NTN1: variants seen among roughly 807,000 people sequenced by gnomAD.
NTN1 encodes the protein netrin-1.
A neutral mutation model predicts 54.2 loss-of-function variants in NTN1; 11 were observed. The observed-to-expected ratio is 0.20, with a 90% CI of 0.13 to 0.34. The LOEUF is 0.34. Ranked by LOEUF, NTN1 falls within the 10% of genes least tolerant of loss-of-function variation. The pLI is 1.00. For synonymous variants in NTN1, 371 were observed against 382.0 expected (o/e 0.97, Z 0.33); for missense variants, 740 against 893.1 (o/e 0.83, Z 2.18).
At chr17:9,083,215 C>T (rs1347087722) in intron 2 of NTN1, among the ~76,000 whole-genome samples, 1 of 152,206 alleles carries the variant, frequency 6.6e-6, no homozygotes, top group African/African-American at 2.4e-5. Context: ...TCTCCTGCCT[C>T]AGCCTCCTGA....
intron 2 of NTN1, among the ~76,000 whole-genome samples, chr17:9,040,833 G>A (rs2091918964): frequency 6.6e-6 from 1 of 151,814 alleles, no homozygotes; most frequent in Non-Finnish European, 1.5e-5. Flanking sequence ...GGAGAGATAA[G>A]GTCTTGATTG....
chr17:9,136,001 C>T (rs1374697655), intron 2 of NTN1, among the ~76,000 whole-genome samples: 1 of 152,204 alleles, frequency 6.6e-6, no homozygotes. Flanking sequence ...TCCTCACTCC[C>T]GCCTGGGAAG....
chr17:9,184,622 G>T (rs1350094606), intron 5 of NTN1, among the ~76,000 whole-genome samples: 5 of 152,194 alleles, frequency 3.3e-5, no homozygotes, highest in South Asian at 4.1e-4. Flanking sequence ...CTCATGCAAG[G>T]GCAAGACAGA....
chr17:9,139,117 G>C (rs748521476), intron 2 of NTN1, among the ~76,000 whole-genome samples: 1 of 152,134 alleles, frequency 6.6e-6, no homozygotes, highest in African/African-American at 2.4e-5. Context: ...ATAGTCTTTC[G>C]TGGAGGGGCT....
chr17:9,066,012 A>G (rs1172886834), intron 2 of NTN1, among the ~76,000 whole-genome samples: 1 of 152,250 alleles, frequency 6.6e-6, no homozygotes, highest in Non-Finnish European at 1.5e-5. Flanking sequence ...AAATATGTGT[A>G]GAGGAAAGCA....
chr17:9,091,179 AT>A (rs1217564689), intron 2 of NTN1, among the ~76,000 whole-genome samples: 1 of 152,216 alleles, frequency 6.6e-6, no homozygotes, highest in African/African-American at 2.4e-5. Flanking sequence ...AAATGGAAAC[AT>A]TTTATGTGTC....
intron 6 of NTN1, among the ~76,000 whole-genome samples, chr17:9,233,188 C>T (rs1219083945): frequency 6.6e-6 from 1 of 152,042 alleles, no homozygotes; most frequent in Non-Finnish European, 1.5e-5. Flanking sequence ...AGGTAGGAAG[C>T]CTCCCCGCGG....
intron 5 of NTN1, among the ~76,000 whole-genome samples, chr17:9,203,316 G>C (rs951403912): frequency 2.1e-5 from 3 of 139,644 alleles, no homozygotes; most frequent in South Asian, 2.3e-4. Flanking sequence ...TAGTTTGACT[G>C]TTTGAACCTC....
chr17:9,132,701 C>A (rs1287215813), intron 2 of NTN1, among the ~76,000 whole-genome samples: 2 of 152,028 alleles, frequency 1.3e-5, no homozygotes, highest in East Asian at 3.8e-4. Flanking sequence ...ATGGAGAAAC[C>A]CTGTCTCAAC....
chr17:9,071,386 G>A (rs777503261), intron 2 of NTN1, among the ~76,000 whole-genome samples: 41 of 151,858 alleles, frequency 2.7e-4, no homozygotes, highest in Non-Finnish European at 5.3e-4. Flanking sequence ...CTAATACAAT[G>A]ATATCGTTTC....
rs150102335 is a variant in NTN1, at chr17:9,155,731, G to A, written c.1019-7082G>A. Among the ~76,000 whole-genome samples, 1,343 of 152,208 alleles carry A rather than the reference G, an allele frequency of 8.8e-3. 18 individuals are homozygous for A. Among genetic ancestry groups the A allele is most frequent in the African/African-American group, 0.03 (1,257 of 41,516 alleles). On this transcript the variant is annotated intron_variant, in intron 2 of 6. Transcript: ENST00000173229. The stretch of plus-strand genomic sequence containing the variant: ...TTAAACATTTACATACCCTGGAGGC[G>A]GTGGGCGTCATGATCTCCCTAACCC...
chr17:9,078,727 C>T lies in NTN1; in HGVS notation c.1018+55336C>T, dbSNP rs184299385. ...TCTGTGGGCTTCTGGGATAGAGAAACCATCCCTGGAATGTCCCCAAGGAAA... is the reference window on the plus strand; with the variant it reads ...TCTGTGGGCTTCTGGGATAGAGAAATCATCCCTGGAATGTCCCCAAGGAAA... On this transcript the variant is annotated intron_variant, in intron 2 of 6. Transcript: ENST00000173229. Among the ~76,000 whole-genome samples, 68 of 152,290 alleles carry T rather than the reference C, an allele frequency of 4.5e-4. No individual in the cohort carries two copies. In the Middle Eastern group the frequency reaches 0.01, roughly 23 times the overall value.
At chr17:9,035,254 A>G (rs1237525111) in intron 2 of NTN1, among the ~76,000 whole-genome samples, 1 of 152,080 alleles carries the variant, frequency 6.6e-6, no homozygotes, top group Non-Finnish European at 1.5e-5. Flanking sequence ...ACGGGTTTTG[A>G]TTATTTTTGA....
rs142891473 is a variant in NTN1, at chr17:9,181,735, C to T, written c.1358-1181C>T. Among the ~76,000 whole-genome samples the T allele has an allele frequency of 4.8e-3, 737 of 152,204 alleles. 4 individuals carry two copies. The highest frequency in any genetic ancestry group is 0.016 in the African/African-American group (648 of 41,540). ...AGAATCTAGGGAGTCAGAGTTTTAC[C>T]GCAAAGAATCAGATGGTGGCTAGAG... On this transcript the variant is annotated intron_variant, in intron 4 of 6. Transcript: ENST00000173229.
Position 9,033,176 on chromosome 17 carries a change from A to G in NTN1, c.1018+9785A>G, listed in dbSNP as rs763889480. Among the ~76,000 whole-genome samples the G allele has an allele frequency of 3.0e-4, 46 of 151,500 alleles. No homozygotes were observed. In the Middle Eastern group the frequency reaches 0.01, roughly 34 times the overall value. ...ACCATGTTGGCCAGGCTCGTCTCGAACTCCTGACCTTAGGTGATCCACCCT... is the reference window on the plus strand; with the variant it reads ...ACCATGTTGGCCAGGCTCGTCTCGAGCTCCTGACCTTAGGTGATCCACCCT... On this transcript the variant is annotated intron_variant, in intron 2 of 6. Coordinates refer to ENST00000173229, the MANE Select transcript of NTN1 (RefSeq NM_004822.3).
At chr17:9,202,134 A>C (rs1176973042) in intron 5 of NTN1, among the ~76,000 whole-genome samples, 2 of 146,942 alleles carry the variant, frequency 1.4e-5, no homozygotes, top group East Asian at 4.1e-4. Flanking sequence ...CCAGCTACTC[A>C]GGAGGCTGAG....
upstream of NTN1, among the ~76,000 whole-genome samples, chr17:9,020,415 G>C (rs946429533): frequency 6.6e-6 from 1 of 152,246 alleles, no homozygotes; most frequent in Admixed American, 6.5e-5. Context: ...GGGCGATGGA[G>C]AATGAGGCAA....
intron 2 of NTN1, among the ~76,000 whole-genome samples, chr17:9,045,746 A>T (rs1163603380): frequency 6.6e-6 from 1 of 152,238 alleles, no homozygotes; most frequent in Non-Finnish European, 1.5e-5. Flanking sequence ...AGCAGAGAAG[A>T]TCAACCCAAG....
intron 2 of NTN1, among the ~76,000 whole-genome samples, chr17:9,103,580 C>T (rs1016269701): frequency 4.6e-5 from 7 of 152,034 alleles, no homozygotes; most frequent in Non-Finnish European, 1.0e-4. Flanking sequence ...CCTGAAGCCT[C>T]GCCAGCCATG....
Sources: gnomAD v4.1 joint callset for allele counts (sites outside exome capture counted in the v4.1 genomes callset) on GRCh38, gnomAD v4.1.1 for gene constraint, MANE v1.5 for transcripts, NCBI Gene and HGNC (gene_info 2026-07-23, HGNC 2026-07-21) for gene names.